HIBADH: variants seen among roughly 807,000 people sequenced by gnomAD.
HIBADH encodes the protein 3-hydroxyisobutyrate dehydrogenase, also known as 3-hydroxyisobutyrate dehydrogenase, mitochondrial.
HIBADH carries 25 observed loss-of-function variants against 36.1 expected under a neutral mutation model. The observed-to-expected ratio is 0.69, with a 90% CI of 0.50 to 0.97. HIBADH has a LOEUF of 0.97. Among genes scored for constraint, HIBADH ranks in the 50% least tolerant of loss-of-function variants. The pLI is 0.00. For missense variants in HIBADH, 421 were observed against 418.0 expected, an observed-to-expected ratio of 1.01 and a Z score of -0.06; for synonymous variants, 160 against 149.5, an observed-to-expected ratio of 1.07 and a Z score of -0.51.
At chr7:27,641,593 A>G (rs1391602014) in intron 2 of HIBADH, among the ~76,000 whole-genome samples, 3 of 152,238 alleles carry the variant, frequency 2.0e-5, no homozygotes, top group Non-Finnish European at 4.4e-5. Context: ...CTTTTATCCA[A>G]CATTTTAAAA....
chr7:27,527,059 AAT>A (rs1783913492), intron 7 of HIBADH, among the ~76,000 whole-genome samples: 2 of 9,222 alleles, frequency 2.2e-4, no homozygotes, highest in African/African-American at 3.7e-3. Flanking sequence ...CCTGGCAGAC[AAT>A]GTGACAGCAA....
chr7:27,636,621 GAAAAC>G (rs1785845777), intron 2 of HIBADH, among the ~76,000 whole-genome samples: 1 of 152,166 alleles, frequency 6.6e-6, no homozygotes, highest in Non-Finnish European at 1.5e-5. Flanking sequence ...TTTTTAAAGA[GAAAAC>G]AAAAGAAAAG....
intron 4 of HIBADH, among the ~76,000 whole-genome samples, chr7:27,544,870 A>G (rs1023812436): frequency 5.9e-5 from 9 of 152,360 alleles, no homozygotes; most frequent in Admixed American, 3.9e-4. Flanking sequence ...ATTCAAACAC[A>G]TATTTTAAAA....
chr7:27,543,029 G>C lies in HIBADH; in HGVS notation c.556C>G (p.Gln186Glu). Residue 186 changes from glutamine (Q) to glutamate (E), a missense_variant, in exon 5 of 8, where the codon CAA becomes GAA. Transcript: ENST00000265395. ...GAGCCCATGCACCCCAGCAACTCTT[G>C]GGCAGCAGCAAATTCATCTTCAACT... ...GGVEDEFAAA[Q>E]ELLGCMGSNV... The C allele has an allele frequency of 6.2e-7, 1 of 1,613,706 alleles. No homozygotes were observed. Among genetic ancestry groups the C allele is most frequent in the Non-Finnish European group, 8.5e-7 (1 of 1,179,866 alleles).
intron 4 of HIBADH, among the ~76,000 whole-genome samples, chr7:27,611,634 G>A (rs1785323609): frequency 6.6e-6 from 1 of 152,184 alleles, no homozygotes. Context: ...TCATACTTAT[G>A]AGACCTGTGT....
chr7:27,649,762 G>C (rs1215774473), intron 1 of HIBADH, 129 bp from the exon 2 acceptor site: 1 of 776,280 alleles, frequency 1.3e-6, no homozygotes, highest in South Asian at 2.2e-5. Flanking sequence ...ACCAGGTGCA[G>C]TGGTGCACAC....
chr7:27,571,491 C>G (rs535162884), intron 4 of HIBADH, among the ~76,000 whole-genome samples: 1 of 152,308 alleles, frequency 6.6e-6, no homozygotes, highest in Admixed American at 6.5e-5. Flanking sequence ...ACCCAAAGTG[C>G]TGGGACTACA....
intron 4 of HIBADH, among the ~76,000 whole-genome samples, chr7:27,571,998 A>T (rs553398835): frequency 2.0e-4 from 30 of 152,270 alleles, no homozygotes; most frequent in African/African-American, 7.0e-4. Flanking sequence ...CGATCCATAG[A>T]ACACCCTTTC....
At chr7:27,621,529 C>T (rs978422964) in intron 4 of HIBADH, among the ~76,000 whole-genome samples, 1 of 152,302 alleles carries the variant, frequency 6.6e-6, no homozygotes, top group African/African-American at 2.4e-5. Context: ...CAGTGGCTCA[C>T]ACCTGTAATC....
At chr7:27,597,226 C>G (rs1445724468) in intron 4 of HIBADH, among the ~76,000 whole-genome samples, 1 of 152,024 alleles carries the variant, frequency 6.6e-6, no homozygotes, top group Non-Finnish European at 1.5e-5. Context: ...TGTAAGATGA[C>G]AGAAACATAT....
chr7:27,595,842 A>C (rs1254956865), intron 4 of HIBADH, among the ~76,000 whole-genome samples: 2 of 152,198 alleles, frequency 1.3e-5, no homozygotes, highest in Non-Finnish European at 2.9e-5. Flanking sequence ...CACTTTTTAA[A>C]AAGGCAAATA....
chr7:27,555,192 GTATATGTGA>G (rs1320755412), intron 4 of HIBADH, among the ~76,000 whole-genome samples: 1 of 151,810 alleles, frequency 6.6e-6, no homozygotes, highest in Non-Finnish European at 1.5e-5. Flanking sequence ...ACAGAATTCT[GTATATGTGA>G]TAAAGGCAAC....
chr7:27,595,935 T>C (rs73285164), intron 4 of HIBADH, among the ~76,000 whole-genome samples: 6,829 of 152,202 alleles, frequency 0.045, 487 homozygotes, highest in African/African-American at 0.16. Flanking sequence ...AACCACACTA[T>C]ACTATTTTTT....
At chr7:27,593,749 C>G (rs1454310365) in intron 4 of HIBADH, among the ~76,000 whole-genome samples, 1 of 151,998 alleles carries the variant, frequency 6.6e-6, no homozygotes, top group African/African-American at 2.4e-5. Context: ...ACAAAATGAT[C>G]ATTTTTAGAC....
chr7:27,596,296 T>C (rs1429994569), intron 4 of HIBADH, among the ~76,000 whole-genome samples: 1 of 152,174 alleles, frequency 6.6e-6, no homozygotes, highest in East Asian at 1.9e-4. Context: ...CACCATGCCC[T>C]TTTCTAACAT....
intron 4 of HIBADH, among the ~76,000 whole-genome samples, chr7:27,601,071 T>TA (rs1225840452): frequency 2.6e-5 from 4 of 152,174 alleles, no homozygotes; most frequent in Non-Finnish European, 5.9e-5. Context: ...AAACATCAGA[T>TA]TTTCTTACAG....
chr7:27,557,403 A>G (rs1258938483), intron 4 of HIBADH, among the ~76,000 whole-genome samples: 2 of 152,238 alleles, frequency 1.3e-5, no homozygotes, highest in Non-Finnish European at 2.9e-5. Flanking sequence ...TCTAGACCTC[A>G]GAACCAAGAA....
intron 6 of HIBADH, among the ~76,000 whole-genome samples, chr7:27,532,435 CTG>C (rs908689714): frequency 2.0e-5 from 3 of 152,208 alleles, no homozygotes; most frequent in Non-Finnish European, 2.9e-5. Flanking sequence ...ATTGTTTACT[CTG>C]TGTGTCTAAA....
rs951560790 is a variant in HIBADH, at chr7:27,525,515, C to G, written c.*699G>C. 1.3e-5 allele frequency: 2 copies of G among 151,944 alleles called. No homozygotes were observed. The highest frequency in any genetic ancestry group is 2.9e-5 in the Non-Finnish European group (2 of 67,996). The allele number at this position is 151,944 out of a possible 1,614,324, so 9.4% of individuals were successfully genotyped here. ...ATAATAATATAATAATTATCTAAAG[C>G]AAATATCATCATTGGCTCTGAAATG... On this transcript the variant is annotated 3_prime_UTR_variant, in exon 8 of 8. Transcript: ENST00000265395.
Sources: gnomAD v4.1 joint callset for allele counts (sites outside exome capture counted in the v4.1 genomes callset) on GRCh38, gnomAD v4.1.1 for gene constraint, MANE v1.5 for transcripts, NCBI Gene and HGNC (gene_info 2026-07-23, HGNC 2026-07-21) for gene names.